FMN1: variants seen among roughly 807,000 people sequenced by gnomAD.
FMN1 encodes the protein formin 1, also known as formin-1.
A neutral mutation model predicts 132.4 loss-of-function variants in FMN1; 110 were observed. The observed-to-expected ratio is 0.83, with a 90% CI of 0.71 to 0.97. FMN1 has a LOEUF of 0.97. Ranked by LOEUF, FMN1 falls within the 50% of genes least tolerant of loss-of-function variation. The probability of loss-of-function intolerance (pLI) is 0.00; values close to 1 mark genes in which losing one functional copy is unlikely to be tolerated. For missense variants in FMN1, 1,792 were observed against 1,705.3 expected, an observed-to-expected ratio of 1.05 and a Z score of -0.90; for synonymous variants, 722 against 651.7, an observed-to-expected ratio of 1.11 and a Z score of -1.64.
chr15:32,899,292 A>C (rs557797835), intron 14 of FMN1, among the ~76,000 whole-genome samples: 173 of 152,270 alleles, frequency 1.1e-3, no homozygotes, highest in Middle Eastern at 3.4e-3. Flanking sequence ...TAATGGTGTG[A>C]AAAACAATCC....
chr15:32,850,071 G>A (rs987045288), intron 17 of FMN1, among the ~76,000 whole-genome samples: 7 of 152,144 alleles, frequency 4.6e-5, no homozygotes, highest in African/African-American at 9.7e-5. Flanking sequence ...CACGCCTGTC[G>A]GTATTTTCTT....
intron 6 of FMN1, 33 bp downstream of exon 6, chr15:33,064,924 C>A (rs1348254221): frequency 1.4e-6 from 2 of 1,463,800 alleles, no homozygotes; most frequent in Admixed American, 1.8e-5. Context: ...GGAAGAGATT[C>A]ATTCCCGGGT....
chr15:33,066,695 G>A (rs975540275), intron 5 of FMN1: 1 of 1,613,628 alleles, frequency 6.2e-7, no homozygotes, highest in Admixed American at 1.7e-5. Flanking sequence ...TGTCTCTGGC[G>A]ACTTTGGCTT....
Position 32,921,745 on chromosome 15 carries a change from C to T in FMN1, c.3226+4429G>A, listed in dbSNP as rs72719323. Among the ~76,000 whole-genome samples, 1,451 of 149,882 alleles carry T rather than the reference C, an allele frequency of 9.7e-3. 12 individuals are homozygous for T. Among genetic ancestry groups the T allele is most frequent in the Non-Finnish European group, 0.015 (1,030 of 67,718 alleles). On this transcript the variant is annotated intron_variant, in intron 10 of 20. Coordinates refer to ENST00000616417, the MANE Select transcript of FMN1 (RefSeq NM_001277313.2). ...AGGCTGGAGTACAGTGGCGTGATCTCGGCAACCTCCACCTCCTACGCTCAA... is the reference window on the plus strand; with the variant it reads ...AGGCTGGAGTACAGTGGCGTGATCTTGGCAACCTCCACCTCCTACGCTCAA...
chr15:32,874,842 G>GAT (rs35208006), intron 16 of FMN1, among the ~76,000 whole-genome samples: 3 of 151,756 alleles, frequency 2.0e-5, no homozygotes, highest in African/African-American at 4.8e-5. Context: ...GTATTCTGTA[G>GAT]TTTTTTCTTT....
chr15:33,097,065 G>T (rs2039112581), intron 4 of FMN1, among the ~76,000 whole-genome samples: 1 of 152,064 alleles, frequency 6.6e-6, no homozygotes, highest in East Asian at 1.9e-4. Flanking sequence ...AGGCCGAGGT[G>T]GGTGGATCAC....
At chr15:33,048,331 A>G (rs2036787083) in intron 6 of FMN1, among the ~76,000 whole-genome samples, 1 of 152,130 alleles carries the variant, frequency 6.6e-6, no homozygotes, top group Non-Finnish European at 1.5e-5. Flanking sequence ...ATGAGATTAT[A>G]TATAAGAAAG....
intron 18 of FMN1, among the ~76,000 whole-genome samples, chr15:32,804,055 T>C (rs1202029165): frequency 6.6e-6 from 1 of 152,064 alleles, no homozygotes; most frequent in Admixed American, 6.5e-5. Flanking sequence ...TTGCATGAGG[T>C]AGCTAAAGTA....
intron 6 of FMN1, among the ~76,000 whole-genome samples, chr15:33,035,780 A>C (rs1465103572): frequency 6.6e-6 from 1 of 152,198 alleles, no homozygotes; most frequent in Non-Finnish European, 1.5e-5. Context: ...GCCCCCTCCA[A>C]AACTCATGTT....
At position 32,984,816 on chromosome 15, in the gene FMN1, C is replaced by A. The variant is rs55933118; in HGVS notation, c.2224-15339G>T. ...GAGAATGTAACCTTCATTGCATCATCCAATAAAAACTAGGAAATCACTTGT... is the reference window on the plus strand; with the variant it reads ...GAGAATGTAACCTTCATTGCATCATACAATAAAAACTAGGAAATCACTTGT... On this transcript the variant is annotated intron_variant, in intron 7 of 20. Transcript: ENST00000616417. Among the ~76,000 whole-genome samples, 13 of 151,966 alleles carry A rather than the reference C, an allele frequency of 8.6e-5. No homozygotes were observed. The South Asian group carries it at 2.7e-3, about 32-fold the overall frequency.
chr15:33,147,467 CG>C (rs1452782699), intron 4 of FMN1, among the ~76,000 whole-genome samples: 1 of 152,132 alleles, frequency 6.6e-6, no homozygotes, highest in Non-Finnish European at 1.5e-5. Context: ...GGAATTATTT[CG>C]GAAGGCTGTG....
intron 17 of FMN1, among the ~76,000 whole-genome samples, chr15:32,812,958 T>C (rs530778628): frequency 6.7e-6 from 1 of 150,104 alleles, no homozygotes; most frequent in East Asian, 1.9e-4. Context: ...CTGTGGGTTA[T>C]GGATTCCACC....
chr15:32,999,580 T>G (rs343919), intron 7 of FMN1, among the ~76,000 whole-genome samples: 99,379 of 152,198 alleles, frequency 0.65, 35,187 homozygotes, highest in East Asian at 0.89. Context: ...CATTGCACAA[T>G]GAGCAGGGGG....
intron 7 of FMN1, among the ~76,000 whole-genome samples, chr15:33,007,565 T>G (rs545178890): frequency 6.6e-6 from 1 of 152,216 alleles, no homozygotes; most frequent in South Asian, 2.1e-4. Flanking sequence ...CTCCTCCTCC[T>G]CCACCTCCTA....
chr15:32,790,109 G>C (rs1430375741), intron 19 of FMN1, among the ~76,000 whole-genome samples: 1 of 152,238 alleles, frequency 6.6e-6, no homozygotes, highest in Non-Finnish European at 1.5e-5. Flanking sequence ...ATACACAAGA[G>C]ACTGGAGTAG....
At chr15:33,111,452 T>C (rs2039701479) in intron 4 of FMN1, among the ~76,000 whole-genome samples, 1 of 152,100 alleles carries the variant, frequency 6.6e-6, no homozygotes. Flanking sequence ...AGAATTAGAA[T>C]ACAACTCAGC....
chr15:32,792,470 A>AC (rs1414187829), intron 19 of FMN1, among the ~76,000 whole-genome samples: 2 of 149,566 alleles, frequency 1.3e-5, no homozygotes, highest in Non-Finnish European at 1.5e-5. Context: ...AAACAAACAA[A>AC]AAAAACCCAA....
intron 19 of FMN1, among the ~76,000 whole-genome samples, chr15:32,784,475 A>C (rs1031282428): frequency 6.6e-6 from 1 of 152,208 alleles, no homozygotes; most frequent in African/African-American, 2.4e-5. Flanking sequence ...AAGACAACAG[A>C]AGCCAACAGA....
chr15:33,050,706 T>C lies in FMN1; in HGVS notation c.2161+14251A>G, dbSNP rs141368261. Among the ~76,000 whole-genome samples, 8 of 152,324 alleles carry C rather than the reference T, an allele frequency of 5.3e-5. No homozygotes were observed. The East Asian group carries it at 1.5e-3, about 29-fold the overall frequency. On this transcript the variant is annotated intron_variant, in intron 6 of 20. Transcript: ENST00000616417. ...CAAGTAATGGGCCAGGACACAACAA[T>C]TCCACTTCAGTCCTATCAAGGTACT... is the stretch of plus-strand genomic sequence containing the variant.
Sources: allele counts gnomAD v4.1 joint callset (sites outside exome capture counted in the v4.1 genomes callset), GRCh38; gene constraint gnomAD v4.1.1; transcripts MANE v1.5; gene names NCBI Gene and HGNC (gene_info 2026-07-23, HGNC 2026-07-21).